DPP10: variants seen among roughly 807,000 people sequenced by gnomAD.
DPP10 encodes dipeptidyl peptidase like 10.
A neutral mutation model predicts 120.9 loss-of-function variants in DPP10; 33 were observed. The observed-to-expected ratio is 0.27, with a 90% CI of 0.21 to 0.37. The LOEUF (loss-of-function observed/expected upper bound fraction) is 0.37. Ranked by LOEUF, DPP10 falls within the 10% of genes least tolerant of loss-of-function variation. The pLI is 1.00. For missense variants in DPP10, 816 were observed against 942.8 expected, an observed-to-expected ratio of 0.87 and a Z score of 1.76; for synonymous variants, 337 against 326.1, an observed-to-expected ratio of 1.03 and a Z score of -0.36.
chr2:114,889,501 T>C (rs995786142), intron 1 of DPP10, among the ~76,000 whole-genome samples: 3 of 151,844 alleles, frequency 2.0e-5, no homozygotes, highest in Admixed American at 6.6e-5. Flanking sequence ...GGGCTTACCA[T>C]TGTCATTTTT....
chr2:115,337,730 G>C (rs1223664610), intron 2 of DPP10, among the ~76,000 whole-genome samples: 1 of 146,892 alleles, frequency 6.8e-6, no homozygotes, highest in Non-Finnish European at 1.5e-5. Flanking sequence ...TAAAAGAGAA[G>C]CTTAATTATT....
chr2:115,413,433 G>A (rs192879674), intron 3 of DPP10, among the ~76,000 whole-genome samples: 149 of 152,298 alleles, frequency 9.8e-4, no homozygotes, highest in Non-Finnish European at 1.7e-3. Flanking sequence ...CTCCACAGTA[G>A]TGGAGCATGA....
chr2:115,562,736 T>C (rs1198741461), intron 5 of DPP10, among the ~76,000 whole-genome samples: 1 of 152,238 alleles, frequency 6.6e-6, no homozygotes, highest in Non-Finnish European at 1.5e-5. Context: ...GGTACACTTA[T>C]ATTACTGAAA....
intron 1 of DPP10, among the ~76,000 whole-genome samples, chr2:114,485,622 A>G (rs1261629890): frequency 6.6e-6 from 1 of 151,958 alleles, no homozygotes; most frequent in African/African-American, 2.4e-5. Context: ...AGTCCAAAGC[A>G]ATAGCCTCTC....
At chr2:115,185,180 C>T (rs763726498) in intron 1 of DPP10, among the ~76,000 whole-genome samples, 13 of 151,904 alleles carry the variant, frequency 8.6e-5, no homozygotes, top group African/African-American at 1.5e-4. Flanking sequence ...ATGCTTAAAA[C>T]GCACAGCACG....
chr2:114,924,942 T>C (rs1006466646), intron 1 of DPP10, among the ~76,000 whole-genome samples: 5 of 152,224 alleles, frequency 3.3e-5, no homozygotes, highest in Admixed American at 6.5e-5. Flanking sequence ...CTGGGCACGG[T>C]GGCTCACGCC....
At chr2:114,869,393 C>A (rs994915968) in intron 1 of DPP10, among the ~76,000 whole-genome samples, 8 of 152,110 alleles carry the variant, frequency 5.3e-5, no homozygotes, top group Admixed American at 1.3e-4. Context: ...TCATATGCAA[C>A]AAGTTATATG....
chr2:115,486,802 T>C (rs1029914729), intron 3 of DPP10, among the ~76,000 whole-genome samples: 1 of 152,166 alleles, frequency 6.6e-6, no homozygotes, highest in Non-Finnish European at 1.5e-5. Flanking sequence ...AATGGTCGTG[T>C]GAAAATTGCT....
intron 1 of DPP10, among the ~76,000 whole-genome samples, chr2:115,152,419 C>T (rs1052512461): frequency 3.3e-5 from 5 of 152,186 alleles, no homozygotes; most frequent in African/African-American, 1.2e-4. Context: ...CTAAACTTTA[C>T]ATACATGGCA....
chr2:115,480,686 G>T (rs1459839052), intron 3 of DPP10, among the ~76,000 whole-genome samples: 4 of 152,130 alleles, frequency 2.6e-5, no homozygotes, highest in Admixed American at 2.6e-4. Context: ...TCTGCTTAAT[G>T]ATGTGTACAG....
rs766930743 is a variant in DPP10, at chr2:115,068,141, A to G, written c.61-241098A>G. On this transcript the variant is annotated intron_variant, in intron 1 of 25. Coordinates refer to ENST00000410059, the MANE Select transcript of DPP10 (RefSeq NM_020868.6). ...TATTTTTAATTTTTTAAGAACCTCC[A>G]TACTGTTTTTATAATAGCTGTAACA... is the stretch of plus-strand genomic sequence containing the variant. Among the ~76,000 whole-genome samples, 9 of 151,954 alleles carry G rather than the reference A, an allele frequency of 5.9e-5. No individual in the cohort carries two copies. The East Asian group carries it at 9.7e-4, about 16-fold the overall frequency.
chr2:114,464,261 C>G (rs984364358), intron 1 of DPP10, among the ~76,000 whole-genome samples: 1 of 151,950 alleles, frequency 6.6e-6, no homozygotes, highest in Non-Finnish European at 1.5e-5. Flanking sequence ...TGGATATTGT[C>G]TTTTTATTTT....
intron 19 of DPP10, among the ~76,000 whole-genome samples, chr2:115,806,222 G>C (rs1048533651): frequency 6.6e-6 from 1 of 152,130 alleles, no homozygotes; most frequent in Non-Finnish European, 1.5e-5. Context: ...TTTGCCTTGA[G>C]GATATAATTG....
intron 1 of DPP10, among the ~76,000 whole-genome samples, chr2:115,166,241 A>G (rs997553400): frequency 6.6e-6 from 1 of 152,094 alleles, no homozygotes; most frequent in Non-Finnish European, 1.5e-5. Flanking sequence ...AATTTGATCA[A>G]TAAACTATTG....
chr2:115,668,706 A>T (rs2089647849), intron 5 of DPP10, among the ~76,000 whole-genome samples: 1 of 152,096 alleles, frequency 6.6e-6, no homozygotes, highest in African/African-American at 2.4e-5. Context: ...TCTCAAATTC[A>T]GATCTCCCAT....
chr2:114,808,800 A>G (rs1161690563), intron 1 of DPP10, among the ~76,000 whole-genome samples: 2 of 152,090 alleles, frequency 1.3e-5, no homozygotes, highest in African/African-American at 4.8e-5. Context: ...CCCCAAGTCC[A>G]ATATCTGTTC....
At chr2:114,778,281 T>C (rs1323345280) in intron 1 of DPP10, among the ~76,000 whole-genome samples, 1 of 152,122 alleles carries the variant, frequency 6.6e-6, no homozygotes, top group Non-Finnish European at 1.5e-5. Context: ...GTATATTATA[T>C]ATGCAAAACA....
In DPP10 at chr2:114,727,391, A is replaced by G. The variant is rs567038030; in HGVS notation, c.60+284553A>G. 7.0e-4 allele frequency among the ~76,000 whole-genome samples: 106 copies of G among 152,202 alleles called. 1 individual carries two copies. The highest frequency in any genetic ancestry group is 1.3e-3 in the Non-Finnish European group (90 of 68,038). On this transcript the variant is annotated intron_variant, in intron 1 of 25. Transcript: ENST00000410059. The stretch of plus-strand genomic sequence containing the variant: ...ATTAACATTCTGAGTATCACTTTCA[A>G]TTAAATTTCTCCAATGCTCATTTAG...
chr2:115,766,284 ATATGTGTG>A (rs1403950716), intron 12 of DPP10, among the ~76,000 whole-genome samples: 5 of 50,228 alleles, frequency 1.0e-4, no homozygotes, highest in African/African-American at 2.2e-4. Context: ...CTCATTATAT[ATATGTGTG>A]TGTGTGTGTG....
Sources: allele counts gnomAD v4.1 joint callset (sites outside exome capture counted in the v4.1 genomes callset), GRCh38; gene constraint gnomAD v4.1.1; transcripts MANE v1.5; gene names NCBI Gene and HGNC (gene_info 2026-07-23, HGNC 2026-07-21).